Variants in NOS1AP observed in about 807,000 individuals in gnomAD.
NOS1AP encodes the protein nitric oxide synthase 1 adaptor protein.
NOS1AP carries 21 observed loss-of-function variants against 56.2 expected under a neutral mutation model. That is an observed-to-expected ratio of 0.37 (90% CI 0.26 to 0.54). The LOEUF (loss-of-function observed/expected upper bound fraction) is 0.54, where lower values mean the gene tolerates loss of function less well. NOS1AP is among the 20% of genes least tolerant of loss of function. The probability of loss-of-function intolerance (pLI) is 0.84; values close to 1 mark genes in which losing one functional copy is unlikely to be tolerated. For missense variants in NOS1AP, 522 were observed against 657.8 expected (o/e 0.79, Z 2.26); for synonymous variants, 270 against 274.6 (o/e 0.98, Z 0.17).
At chr1:162,128,476 A>G (rs1196412180) in intron 1 of NOS1AP, among the ~76,000 whole-genome samples, 2 of 152,300 alleles carry the variant, frequency 1.3e-5, no homozygotes, top group Non-Finnish European at 2.9e-5. Context: ...TTTCTTATAC[A>G]TATATACACA....
chr1:162,105,039 C>T (rs12075246), intron 1 of NOS1AP, among the ~76,000 whole-genome samples: 17,641 of 152,132 alleles, frequency 0.12, 2,279 homozygotes, highest in African/African-American at 0.32. Flanking sequence ...TCTTTATGGG[C>T]CTATCTACCT....
chr1:162,304,589 T>C (rs537106251), intron 4 of NOS1AP, among the ~76,000 whole-genome samples: 2 of 152,306 alleles, frequency 1.3e-5, no homozygotes, highest in East Asian at 3.9e-4. Flanking sequence ...TTCTTTGGCC[T>C]CAAAACTCAC....
intron 6 of NOS1AP, among the ~76,000 whole-genome samples, chr1:162,352,074 T>C (rs962755291): frequency 6.8e-6 from 1 of 147,614 alleles, no homozygotes; most frequent in African/African-American, 2.5e-5. Context: ...TTTTTTTTTT[T>C]CTCAAGACAG....
intron 4 of NOS1AP, among the ~76,000 whole-genome samples, chr1:162,326,210 G>T (rs1392898388): frequency 6.6e-6 from 1 of 152,176 alleles, no homozygotes; most frequent in East Asian, 1.9e-4. Flanking sequence ...GGAGAGAATT[G>T]CGTGGCAGGT....
At chr1:162,280,217 A>G (rs760767653) in intron 2 of NOS1AP, among the ~76,000 whole-genome samples, 2 of 152,222 alleles carry the variant, frequency 1.3e-5, no homozygotes, top group African/African-American at 2.4e-5. Flanking sequence ...TGAATACCTA[A>G]TGCTTAGCAC....
intron 2 of NOS1AP, among the ~76,000 whole-genome samples, chr1:162,265,235 T>TAA (rs1654382244): frequency 6.6e-5 from 10 of 150,412 alleles, no homozygotes; most frequent in Admixed American, 6.6e-4. Context: ...TTTTTTTTTT[T>TAA]TTATTATTTT....
Position 162,257,636 on chromosome 1 carries a change from G to T in NOS1AP, c.178-29708G>T, listed in dbSNP as rs530226369. Among the ~76,000 whole-genome samples, 19 of 149,672 alleles carry T rather than the reference G, an allele frequency of 1.3e-4. No individual in the cohort carries two copies. The East Asian group carries it at 3.7e-3, about 29-fold the overall frequency. On this transcript the variant is annotated intron_variant, in intron 2 of 9. Transcript: ENST00000361897. ...TGCACTCCAGCCTGGGTGACAGAGC[G>T]AGACTCCATCTCAAAAAAAAAAAAG...
At chr1:162,134,410 C>T (rs921892752) in intron 1 of NOS1AP, among the ~76,000 whole-genome samples, 1 of 147,618 alleles carries the variant, frequency 6.8e-6, no homozygotes, top group South Asian at 2.2e-4. Context: ...TCGCTTGAAC[C>T]GGGAGGTGGA....
At chr1:162,161,522 A>G (rs1650215549) in intron 2 of NOS1AP, among the ~76,000 whole-genome samples, 1 of 152,266 alleles carries the variant, frequency 6.6e-6, no homozygotes, top group East Asian at 1.9e-4. Flanking sequence ...ACAGTTATAC[A>G]TGAATGCATG....
At position 162,142,075 on chromosome 1, in the gene NOS1AP, T is replaced by C. The variant is rs143747293; in HGVS notation, c.106-12330T>C. ...AACAGTTATACCTTGGAGCTACCAA[T>C]GCAGTCTAGTTTGGAGAGACACAGT... On this transcript the variant is annotated intron_variant, in intron 1 of 9. Transcript: ENST00000361897. Among the ~76,000 whole-genome samples, 533 of 152,344 alleles carry C rather than the reference T, an allele frequency of 3.5e-3. 2 individuals carry two copies. Among genetic ancestry groups the C allele is most frequent in the Non-Finnish European group, 5.3e-3 (364 of 68,042 alleles).
chr1:162,268,348 G>A (rs981676047), intron 2 of NOS1AP, among the ~76,000 whole-genome samples: 5 of 151,132 alleles, frequency 3.3e-5, no homozygotes, highest in Admixed American at 2.6e-4. Flanking sequence ...TATTATAAGA[G>A]TTTTCTCTGG....
At chr1:162,296,468 C>T (rs149832566) in intron 3 of NOS1AP, among the ~76,000 whole-genome samples, 149 of 152,246 alleles carry the variant, frequency 9.8e-4, no homozygotes, top group African/African-American at 3.5e-3. Context: ...TTTTAATGAG[C>T]TCTTCAGAAA....
intron 2 of NOS1AP, among the ~76,000 whole-genome samples, chr1:162,247,317 T>G (rs1171049402): frequency 6.6e-6 from 1 of 152,170 alleles, no homozygotes; most frequent in Middle Eastern, 3.2e-3. Context: ...AGCAGTGTTA[T>G]TTGAAAGAAA....
chr1:162,187,414 AT>A (rs2102151807), intron 2 of NOS1AP, among the ~76,000 whole-genome samples: 1 of 152,292 alleles, frequency 6.6e-6, no homozygotes, highest in South Asian at 2.1e-4. Context: ...ACCAGATCCC[AT>A]TTTTTGACAT....
intron 3 of NOS1AP, among the ~76,000 whole-genome samples, chr1:162,288,316 C>T (rs1327286531): frequency 6.6e-6 from 1 of 152,172 alleles, no homozygotes; most frequent in Non-Finnish European, 1.5e-5. Flanking sequence ...TCATAGTCCT[C>T]CATAGACCTC....
At chr1:162,229,945 T>G (rs904902501) in intron 2 of NOS1AP, among the ~76,000 whole-genome samples, 2 of 152,114 alleles carry the variant, frequency 1.3e-5, no homozygotes, top group Non-Finnish European at 2.9e-5. Context: ...ATCATACCTG[T>G]AATTTGAATG....
intron 1 of NOS1AP, among the ~76,000 whole-genome samples, chr1:162,086,483 C>G (rs1372957852): frequency 3.3e-5 from 5 of 152,176 alleles, no homozygotes; most frequent in Admixed American, 3.3e-4. Context: ...TAAAGAAGCA[C>G]TGTATCTGAC....
At chr1:162,087,828 T>A (rs1692038022) in intron 1 of NOS1AP, among the ~76,000 whole-genome samples, 1 of 152,170 alleles carries the variant, frequency 6.6e-6, no homozygotes, top group Non-Finnish European at 1.5e-5. Context: ...AAGTGCCCTC[T>A]CTCTTTGAGG....
intron 2 of NOS1AP, among the ~76,000 whole-genome samples, chr1:162,248,840 G>C (rs868705948): frequency 2.6e-5 from 4 of 151,934 alleles, no homozygotes; most frequent in Admixed American, 6.6e-5. Context: ...TAAAGTCTTC[G>C]GGGACCCATC....
Sources: gnomAD v4.1 joint callset for allele counts (sites outside exome capture counted in the v4.1 genomes callset) on GRCh38, gnomAD v4.1.1 for gene constraint, MANE v1.5 for transcripts, NCBI Gene and HGNC (gene_info 2026-07-23, HGNC 2026-07-21) for gene names.